RRM2: variants seen among roughly 807,000 people sequenced by gnomAD.
RRM2 encodes the protein ribonucleoside-diphosphate reductase subunit M2.
In RRM2, 6 loss-of-function variants were observed where a neutral mutation model predicts 45.9. The observed-to-expected ratio is 0.13, with a 90% CI of 0.07 to 0.26. The LOEUF (loss-of-function observed/expected upper bound fraction) is 0.26. Ranked by LOEUF, RRM2 falls within the 10% of genes least tolerant of loss-of-function variation. The probability of loss-of-function intolerance (pLI) is 1.00; values close to 1 mark genes in which losing one functional copy is unlikely to be tolerated. For synonymous variants in RRM2, 177 were observed against 173.0 expected, an observed-to-expected ratio of 1.02 and a Z score of -0.18; for missense variants, 343 against 489.5, an observed-to-expected ratio of 0.70 and a Z score of 2.82.
intron 3 of RRM2, among the ~76,000 whole-genome samples, chr2:10,151,220 C>T (rs1046070747): frequency 6.6e-6 from 1 of 151,996 alleles, no homozygotes; most frequent in African/African-American, 2.4e-5. Flanking sequence ...TTCATCCATT[C>T]ACCTGGTGAT....
chr2:10,155,370 T>C (rs1040466464), intron 3 of RRM2, among the ~76,000 whole-genome samples: 1 of 152,214 alleles, frequency 6.6e-6, no homozygotes, highest in African/African-American at 2.4e-5. Flanking sequence ...TATGCCCTTT[T>C]GCTGTGGACA....
At chr2:10,139,404 C>T (rs1295526206), upstream of RRM2, among the ~76,000 whole-genome samples, 1 of 152,200 alleles carries the variant, frequency 6.6e-6, no homozygotes, top group African/African-American at 2.4e-5. Context: ...GTTTGATTTA[C>T]ATTTCAGAAG....
upstream of RRM2, chr2:10,122,601 A>AG: frequency 1.3e-6 from 2 of 1,492,150 alleles, no homozygotes; most frequent in Non-Finnish European, 1.8e-6. Flanking sequence ...CAGCCTGGGT[A>AG]GGGGCAAGGC....
At chr2:10,126,162 TAAAA>T (rs532815964) in intron 5 of RRM2, among the ~76,000 whole-genome samples, 8,712 of 89,138 alleles carry the variant, frequency 0.098, 887 homozygotes, top group African/African-American at 0.19. Flanking sequence ...CTCATCTCTT[TAAAA>T]AAAAAAAAAA....
In RRM2 at chr2:10,180,870, G is replaced by A. The variant is rs1228197964; in HGVS notation, n.483-29441G>A. 3.3e-5 allele frequency among the ~76,000 whole-genome samples: 5 copies of A among 152,112 alleles called. No homozygotes were observed. In the East Asian group the frequency reaches 5.8e-4, roughly 18 times the overall value. On this transcript the variant is annotated intron_variant and non_coding_transcript_variant, in intron 3 of 3. Transcript: ENST00000381786. ...CAACCTCTGCCTCCCAGGTTCAAGC[G>A]ATTCTTGTGCCTCTGCCTCCCGAGT...
Position 10,185,317 on chromosome 2 carries a change from AG to A in RRM2, n.483-24991del, listed in dbSNP as rs1664141381. On this transcript the variant is annotated intron_variant and non_coding_transcript_variant, in intron 3 of 3. Transcript: ENST00000381786. This position sits in a 1 kb window ranked among gnomAD's most constrained non-coding sequence, Gnocchi z 4.3. ...AGAGGCAGGAGAGGCTGAGCGTGGG[AG>A]GGAGACAGACGGCATCGATTCATTA... is the stretch of plus-strand genomic sequence containing the variant. 6.6e-6 allele frequency among the ~76,000 whole-genome samples: 1 copy of A among 152,138 alleles called. No individual in the cohort carries two copies. Among genetic ancestry groups the A allele is most frequent in the Admixed American group, 6.5e-5 (1 of 15,270 alleles).
chr2:10,210,135 C>T (rs530454875), intron 3 of RRM2, among the ~76,000 whole-genome samples: 2 of 152,276 alleles, frequency 1.3e-5, no homozygotes, highest in African/African-American at 4.8e-5. Context: ...CTCCCTGTGC[C>T]GAAATCATCT....
chr2:10,200,525 C>T (rs1572534831), intron 3 of RRM2, among the ~76,000 whole-genome samples: 2 of 7,492 alleles, frequency 2.7e-4, no homozygotes, highest in East Asian at 0.029. Context: ...ACAGGGACTG[C>T]GCGCACAAAT....
At chr2:10,173,194 T>C (rs1663838992) in intron 3 of RRM2, among the ~76,000 whole-genome samples, 1 of 152,078 alleles carries the variant, frequency 6.6e-6, no homozygotes, top group Non-Finnish European at 1.5e-5. Flanking sequence ...GAGAATGAGG[T>C]GTGCGAAGCT....
At position 10,127,074 on chromosome 2, in the gene RRM2, A is replaced by G. The variant is rs765769104; in HGVS notation, c.665-13A>G. ...AACTCACTAGAATCATGTTGGTGTTAACTCCTAAATAGGTGAACGTGTTGT... is the reference window on the plus strand; with the variant it reads ...AACTCACTAGAATCATGTTGGTGTTGACTCCTAAATAGGTGAACGTGTTGT... On this transcript the variant is annotated splice_polypyrimidine_tract_variant and intron_variant, in intron 6 of 9. Coordinates refer to ENST00000304567, the MANE Select transcript of RRM2 (RefSeq NM_001034.4). This position sits in a 1 kb window ranked among gnomAD's most constrained non-coding sequence, Gnocchi z 4.1. 4 of 1,613,758 alleles carry G rather than the reference A, an allele frequency of 2.5e-6. No individual in the cohort carries two copies. Among genetic ancestry groups the G allele is most frequent in the Admixed American group, 1.7e-5 (1 of 60,014 alleles).
chr2:10,131,301 C>T lies in RRM2; in HGVS notation c.*1915C>T, dbSNP rs1298505362. The T allele has an allele frequency of 2.0e-5, 3 of 152,210 alleles. No individual in the cohort carries two copies. Among genetic ancestry groups the T allele is most frequent in the Non-Finnish European group, 4.4e-5 (3 of 68,036 alleles). 9.4% of individuals were successfully genotyped at this position (152,210 alleles called of 1,614,324 possible). On this transcript the variant is annotated 3_prime_UTR_variant, in exon 10 of 10. Transcript: ENST00000304567. Reference sequence around the variant, plus strand: ...ATTAGCTGAATAATGTGAGGATTAACTTCTGCCAGCTCAGACCATTTCCTA... The same window carrying T: ...ATTAGCTGAATAATGTGAGGATTAATTTCTGCCAGCTCAGACCATTTCCTA...
intron 3 of RRM2, among the ~76,000 whole-genome samples, chr2:10,192,173 G>C (rs977990988): frequency 6.6e-6 from 1 of 152,186 alleles, no homozygotes; most frequent in East Asian, 1.9e-4. Context: ...GGGTGGGAAG[G>C]GGGAGGTAAA....
upstream of RRM2, among the ~76,000 whole-genome samples, chr2:10,137,109 C>T (rs1445365263): frequency 6.6e-6 from 1 of 152,192 alleles, no homozygotes; most frequent in African/African-American, 2.4e-5. Context: ...TCAGTTCCAC[C>T]CCAACAGAAT....
At chr2:10,151,019 T>C (rs1663302017) in intron 3 of RRM2, among the ~76,000 whole-genome samples, 1 of 152,152 alleles carries the variant, frequency 6.6e-6, no homozygotes, top group African/African-American at 2.4e-5. Flanking sequence ...TTCACCATGT[T>C]GGCCAGGCTG....
At chr2:10,160,665 A>G (rs1428174539) in intron 3 of RRM2, among the ~76,000 whole-genome samples, 3 of 151,906 alleles carry the variant, frequency 2.0e-5, no homozygotes, top group Non-Finnish European at 2.9e-5. Flanking sequence ...ACCCGTGCAG[A>G]CCACCCCCGC....
chr2:10,141,873 T>A (rs1558385690), exon 2 of RRM2: 1 of 1,565,432 alleles, frequency 6.4e-7, no homozygotes, highest in East Asian at 2.4e-5. Flanking sequence ...GACCGTGAAG[T>A]GCAAAGCAGA....
At chr2:10,137,623 T>C (rs1353050167), upstream of RRM2, among the ~76,000 whole-genome samples, 2 of 152,214 alleles carry the variant, frequency 1.3e-5, no homozygotes, top group Non-Finnish European at 2.9e-5. Context: ...CCACAAAGTC[T>C]AGGGACAGGT....
intron 3 of RRM2, among the ~76,000 whole-genome samples, chr2:10,193,441 C>T (rs1237965389): frequency 6.6e-6 from 1 of 152,210 alleles, no homozygotes; most frequent in Non-Finnish European, 1.5e-5. Flanking sequence ...GGGCTGGGTG[C>T]CGGGTGCCTC....
intron 3 of RRM2, chr2:10,142,416 C>A (rs746803725): frequency 2.9e-6 from 4 of 1,367,374 alleles, no homozygotes; most frequent in African/African-American, 1.5e-5. Flanking sequence ...GGAAGAGGGG[C>A]CACTGTGGAG....
Sources: gnomAD v4.1 joint callset for allele counts (sites outside exome capture counted in the v4.1 genomes callset) on GRCh38, gnomAD v4.1.1 for gene constraint, Gnocchi (gnomAD v3.1) non-coding constraint, MANE v1.5 for transcripts, NCBI Gene and HGNC (gene_info 2026-07-23, HGNC 2026-07-21) for gene names.